The following FHIT variants were observed in gnomAD, a reference collection of about 807,000 sequenced individuals.
FHIT encodes fragile histidine triad diadenosine triphosphatase, also known as bis(5'-adenosyl)-triphosphatase.
FHIT carries 19 observed loss-of-function variants against 17.9 expected under a neutral mutation model. That is an observed-to-expected ratio of 1.06 (90% CI 0.74 to 1.56). The LOEUF (loss-of-function observed/expected upper bound fraction) is 1.56, where lower values mean the gene tolerates loss of function less well. Ranked by LOEUF, FHIT falls within the 40% of genes most tolerant of loss-of-function variation. FHIT has a pLI of 0.00. For synonymous variants in FHIT, 81 were observed against 69.7 expected, an observed-to-expected ratio of 1.16 and a Z score of -0.81; for missense variants, 248 against 189.2, an observed-to-expected ratio of 1.31 and a Z score of -1.82.
rs201697651 is a variant in FHIT at position 60,121,334 on chromosome 3, T to C, written c.104-107182A>G. 3.2e-4 allele frequency among the ~76,000 whole-genome samples: 49 copies of C among 152,284 alleles called. No individual in the cohort carries two copies. The East Asian group carries it at 8.5e-3, about 26-fold the overall frequency. On this transcript the variant is annotated intron_variant, in intron 5 of 9. Coordinates refer to ENST00000492590, the MANE Select transcript of FHIT (RefSeq NM_002012.4). ...AACAATCCAATATAGTTTCCCCCTT[T>C]ATCTGCTGTTTCACTTTTCATGGTT...
In FHIT at chr3:59,834,028, C is replaced by A. The variant is rs190686404; in HGVS notation, c.349-81707G>T. On this transcript the variant is annotated intron_variant, in intron 8 of 9. Transcript: ENST00000492590. ...CTCTTTACTTATAAACTATTCCAGTCTCACATAATTCTTTATAGCAGTGTG... is the reference window on the plus strand; with the variant it reads ...CTCTTTACTTATAAACTATTCCAGTATCACATAATTCTTTATAGCAGTGTG... Among the ~76,000 whole-genome samples, 231 of 152,300 alleles carry A rather than the reference C, an allele frequency of 1.5e-3. 1 individual carries two copies. Among genetic ancestry groups the A allele is most frequent in the Non-Finnish European group, 2.5e-3 (171 of 68,032 alleles).
At chr3:60,878,794 C>G (rs1343154558) in intron 3 of FHIT, among the ~76,000 whole-genome samples, 3 of 152,260 alleles carry the variant, frequency 2.0e-5, no homozygotes, top group East Asian at 1.9e-4. Context: ...CCAGCTTCAT[C>G]CATGCCCCTA....
chr3:61,236,586 A>G (rs1261352127), intron 1 of FHIT, among the ~76,000 whole-genome samples: 1 of 152,178 alleles, frequency 6.6e-6, no homozygotes, highest in Non-Finnish European at 1.5e-5. Context: ...GGACTTCAGA[A>G]TGATCAGATC....
chr3:60,151,468 T>C (rs1700461839), intron 5 of FHIT, among the ~76,000 whole-genome samples: 1 of 152,160 alleles, frequency 6.6e-6, no homozygotes, highest in African/African-American at 2.4e-5. Flanking sequence ...AAAGAACCAG[T>C]AAATTCTTTT....
chr3:60,342,547 ATTC>A (rs1710577762), intron 5 of FHIT, among the ~76,000 whole-genome samples: 1 of 152,238 alleles, frequency 6.6e-6, no homozygotes, highest in Non-Finnish European at 1.5e-5. Context: ...TAGATTGAAT[ATTC>A]TTCTCTTCTG....
chr3:60,476,194 C>T (rs1381633882), intron 5 of FHIT, among the ~76,000 whole-genome samples: 2 of 152,034 alleles, frequency 1.3e-5, no homozygotes, highest in South Asian at 2.1e-4. Context: ...CCTCAGTGTC[C>T]CTGAGTGTAA....
At chr3:61,124,165 C>T (rs1166575211) in intron 2 of FHIT, among the ~76,000 whole-genome samples, 7 of 152,152 alleles carry the variant, frequency 4.6e-5, no homozygotes, top group African/African-American at 7.2e-5. Context: ...TAGAGCAAAA[C>T]GTGTTTTAGA....
chr3:60,529,166 A>AT (rs1340157683), intron 5 of FHIT, among the ~76,000 whole-genome samples: 1 of 152,186 alleles, frequency 6.6e-6, no homozygotes, highest in African/African-American at 2.4e-5. Context: ...ATTTATGGTT[A>AT]TTTTTTCAGT....
At chr3:60,275,247 T>C (rs1330690813) in intron 5 of FHIT, among the ~76,000 whole-genome samples, 2 of 149,406 alleles carry the variant, frequency 1.3e-5, no homozygotes, top group African/African-American at 2.5e-5. Context: ...AAAAAAAAAC[T>C]ATGAATCAAC....
chr3:60,643,388 A>G (rs138396679), intron 4 of FHIT, among the ~76,000 whole-genome samples: 4,893 of 152,220 alleles, frequency 0.032, 244 homozygotes, highest in African/African-American at 0.11. Flanking sequence ...TCTTCACAGA[A>G]CTAGAAAAAA....
chr3:60,463,856 C>T (rs2032626193), intron 5 of FHIT, among the ~76,000 whole-genome samples: 2 of 152,200 alleles, frequency 1.3e-5, no homozygotes, highest in South Asian at 2.1e-4. Flanking sequence ...ATAATTGGCA[C>T]AGGGCCTGAC....
intron 5 of FHIT, among the ~76,000 whole-genome samples, chr3:60,402,136 A>G (rs1701681663): frequency 6.6e-6 from 1 of 152,180 alleles, no homozygotes; most frequent in Non-Finnish European, 1.5e-5. Context: ...TTCTACTTAA[A>G]GAAGGATTTA....
intron 4 of FHIT, among the ~76,000 whole-genome samples, chr3:60,574,184 A>G (rs1385388619): frequency 1.3e-5 from 2 of 152,040 alleles, no homozygotes; most frequent in African/African-American, 4.8e-5. Context: ...GGGAGCTACA[A>G]AGAGCCAGGA....
In FHIT at chr3:61,154,858, T is replaced by G. The variant is rs549215725; in HGVS notation, c.-164+45759A>C. 2.0e-5 allele frequency among the ~76,000 whole-genome samples: 3 copies of G among 152,346 alleles called. No individual in the cohort carries two copies. The East Asian group carries it at 5.8e-4, about 29-fold the overall frequency. Reference sequence around the variant, plus strand: ...GTCAAAACAGCTTTTGAAAGCATTTTCAAATAAAGCCCTCAGATGCGCTCC... The same window carrying G: ...GTCAAAACAGCTTTTGAAAGCATTTGCAAATAAAGCCCTCAGATGCGCTCC... On this transcript the variant is annotated intron_variant, in intron 2 of 9. Transcript: ENST00000492590.
chr3:61,017,591 TG>T (rs1035154983), intron 3 of FHIT, among the ~76,000 whole-genome samples: 10 of 152,334 alleles, frequency 6.6e-5, no homozygotes, highest in African/African-American at 2.4e-4. Context: ...GACATATCTG[TG>T]CTCACATTAG....
chr3:60,376,422 C>T (rs1011945245), intron 5 of FHIT, among the ~76,000 whole-genome samples: 4 of 152,126 alleles, frequency 2.6e-5, no homozygotes, highest in African/African-American at 9.7e-5. Flanking sequence ...GAAAATGCCA[C>T]CAGAAATTAT....
intron 8 of FHIT, among the ~76,000 whole-genome samples, chr3:59,853,831 A>G (rs553767890): frequency 8.5e-5 from 13 of 152,212 alleles, no homozygotes; most frequent in Non-Finnish European, 4.4e-5. Context: ...ATCAAAATAA[A>G]ATTATACTTA....
intron 4 of FHIT, among the ~76,000 whole-genome samples, chr3:60,713,613 A>G (rs2041601297): frequency 6.6e-6 from 1 of 152,238 alleles, no homozygotes. Flanking sequence ...CTGATCCCAC[A>G]GAAATACAAA....
chr3:61,019,904 T>G lies in FHIT; in HGVS notation c.-111+22143A>C, dbSNP rs527387634. 1.1e-4 allele frequency among the ~76,000 whole-genome samples: 17 copies of G among 152,298 alleles called. No individual in the cohort carries two copies. In the South Asian group the frequency reaches 2.5e-3, roughly 22 times the overall value. ...ATTATACTTTAAGTTCTGGGATACA[T>G]GTGTAGAACGTGCGGGTTTGTTACA... On this transcript the variant is annotated intron_variant, in intron 3 of 9. Transcript: ENST00000492590.
Sources: allele counts gnomAD v4.1 joint callset (sites outside exome capture counted in the v4.1 genomes callset), GRCh38; gene constraint gnomAD v4.1.1; transcripts MANE v1.5; gene names NCBI Gene and HGNC (gene_info 2026-07-23, HGNC 2026-07-21).